The following CCDC7 variants were observed in gnomAD, a reference collection of about 807,000 sequenced individuals.
CCDC7 encodes coiled-coil domain containing 7, also known as coiled-coil domain-containing protein 7.
CCDC7 carries 183 observed loss-of-function variants against 196.9 expected under a neutral mutation model. That is an observed-to-expected ratio of 0.93 (90% CI 0.82 to 1.05). The LOEUF is 1.05. Among genes scored for constraint, CCDC7 ranks in the 50% least tolerant of loss-of-function variants. The pLI is 0.00. For synonymous variants in CCDC7, 525 were observed against 484.6 expected (o/e 1.08, Z -1.10); for missense variants, 1,540 against 1,482.2 (o/e 1.04, Z -0.64).
rs772521513 is a variant in CCDC7 at position 32,845,627 on chromosome 10, G to A, written c.3520+1G>A. The A allele has an allele frequency of 5.0e-6, 8 of 1,606,604 alleles. No homozygotes were observed. In the South Asian group the frequency reaches 8.8e-5, roughly 18 times the overall value. The stretch of plus-strand genomic sequence containing the variant: ...ACGACACAATTAAAAAGTCACCCAG[G>A]TAAGAGAAAACAATTTCAAGACTAA... On this transcript the variant is annotated splice_donor_variant, in intron 35 of 41. Transcript: ENST00000639629. LOFTEE classifies it high-confidence loss of function.
intron 26 of CCDC7, among the ~76,000 whole-genome samples, chr10:32,728,060 G>A (rs1055659348): frequency 1.3e-5 from 2 of 152,148 alleles, no homozygotes; most frequent in Non-Finnish European, 1.5e-5. Context: ...GCTGAGGAAT[G>A]AGAGGGTCTT....
intron 18 of CCDC7, among the ~76,000 whole-genome samples, chr10:32,602,077 G>A (rs2061092777): frequency 6.6e-6 from 1 of 152,100 alleles, no homozygotes; most frequent in South Asian, 2.1e-4. Flanking sequence ...CTCACTCTTT[G>A]GGTCCGCACT....
At chr10:32,544,261 A>ATTT in exon 13 of CCDC7, 1 of 1,607,930 alleles carries the variant, frequency 6.2e-7, no homozygotes. Flanking sequence ...ATGTCTCCAG[A>ATTT]AAAAGAGTTT....
intron 9 of CCDC7, among the ~76,000 whole-genome samples, chr10:32,494,598 A>G (rs2042627864): frequency 6.6e-6 from 1 of 151,846 alleles, no homozygotes; most frequent in Non-Finnish European, 1.5e-5. Context: ...CCCTGTGTCC[A>G]TGTGTTCTTA....
intron 18 of CCDC7, among the ~76,000 whole-genome samples, chr10:32,620,842 A>G (rs959775463): frequency 6.6e-6 from 1 of 152,186 alleles, no homozygotes; most frequent in African/African-American, 2.4e-5. Flanking sequence ...TCAGCAGTGC[A>G]ACTTAAGGAG....
chr10:32,594,036 T>C (rs527585256), intron 18 of CCDC7, among the ~76,000 whole-genome samples: 1 of 152,332 alleles, frequency 6.6e-6, no homozygotes, highest in East Asian at 1.9e-4. Flanking sequence ...ATGCAGGCTC[T>C]TTTTTGGTTC....
At chr10:32,706,584 A>C (rs980349570) in intron 24 of CCDC7, among the ~76,000 whole-genome samples, 3 of 151,770 alleles carry the variant, frequency 2.0e-5, no homozygotes, top group East Asian at 1.9e-4. Context: ...AAGACTAATA[A>C]AGAAGAAAAG....
At chr10:32,682,349 A>G (rs2075966714) in intron 21 of CCDC7, among the ~76,000 whole-genome samples, 1 of 152,134 alleles carries the variant, frequency 6.6e-6, no homozygotes, top group Non-Finnish European at 1.5e-5. Flanking sequence ...GCTGCAAAGG[A>G]TACAATTTAT....
chr10:32,720,185 A>C (rs1477667668), intron 25 of CCDC7, among the ~76,000 whole-genome samples: 1 of 152,202 alleles, frequency 6.6e-6, no homozygotes, highest in Non-Finnish European at 1.5e-5. Context: ...AACATGGCAC[A>C]TATACACCAT....
intron 20 of CCDC7, among the ~76,000 whole-genome samples, chr10:32,662,877 C>T (rs971500676): frequency 7.9e-5 from 12 of 152,156 alleles, no homozygotes; most frequent in African/African-American, 2.9e-4. Context: ...GTTGTTCTTA[C>T]TCCTTATTGC....
At chr10:32,653,908 T>A (rs1373205153) in intron 20 of CCDC7, among the ~76,000 whole-genome samples, 1 of 152,162 alleles carries the variant, frequency 6.6e-6, no homozygotes, top group African/African-American at 2.4e-5. Flanking sequence ...ATTAAAAAAG[T>A]TTTTTCTTCT....
chr10:32,580,239 G>A (rs1356773304), intron 16 of CCDC7, among the ~76,000 whole-genome samples: 1 of 151,806 alleles, frequency 6.6e-6, no homozygotes, highest in Non-Finnish European at 1.5e-5. Flanking sequence ...GCTAGATGTA[G>A]CTAGGCAACA....
intron 37 of CCDC7, 87 bp from the exon 39 acceptor site, chr10:32,847,746 A>G: frequency 1.2e-6 from 1 of 840,452 alleles, no homozygotes; most frequent in Non-Finnish European, 1.9e-6. Context: ...AAGAAAAAGA[A>G]ATTTCAAAAG....
At chr10:32,466,156 C>T (rs1371551266) in intron 5 of CCDC7, among the ~76,000 whole-genome samples, 10 of 152,022 alleles carry the variant, frequency 6.6e-5, no homozygotes, top group Non-Finnish European at 1.3e-4. Context: ...AATGTTTAAA[C>T]CCATAATTAC....
At position 32,462,704 on chromosome 10, in the gene CCDC7, G is replaced by A; in HGVS notation, c.477+1G>A. 1 of 1,456,598 alleles carries A rather than the reference G, an allele frequency of 6.9e-7. No individual in the cohort carries two copies. Among genetic ancestry groups the A allele is most frequent in the Non-Finnish European group, 9.3e-7 (1 of 1,070,362 alleles). 90.2% of individuals were successfully genotyped at this position (1,456,598 alleles called of 1,614,324 possible). ...TCAGATTTTGGAATCTCTTTTTAAG[G>A]TACGTTCAATATATTACAGCTTAAG... On this transcript the variant is annotated splice_donor_variant, in intron 4 of 41. Coordinates refer to ENST00000639629, the Ensembl canonical transcript of CCDC7. LOFTEE classifies it high-confidence loss of function.
At chr10:32,729,631 A>G (rs1450288874) in intron 28 of CCDC7, among the ~76,000 whole-genome samples, 174 bp downstream of exon 29, 1 of 152,124 alleles carries the variant, frequency 6.6e-6, no homozygotes, top group Non-Finnish European at 1.5e-5. Flanking sequence ...TGCATGTGTC[A>G]AATCTGCCAC....
chr10:32,660,713 A>G (rs2071164681), intron 20 of CCDC7, among the ~76,000 whole-genome samples: 2 of 152,158 alleles, frequency 1.3e-5, no homozygotes, highest in Admixed American at 1.3e-4. Flanking sequence ...TGAGAAAAAC[A>G]AGCAATGGGG....
chr10:32,506,555 C>T (rs2045169523), intron 9 of CCDC7, among the ~76,000 whole-genome samples: 1 of 152,200 alleles, frequency 6.6e-6, no homozygotes, highest in Admixed American at 6.5e-5. Context: ...GCACTCCAGC[C>T]TGGGCAACAT....
At chr10:32,693,931 G>C (rs2141310778) in intron 23 of CCDC7, among the ~76,000 whole-genome samples, 1 of 152,110 alleles carries the variant, frequency 6.6e-6, no homozygotes, top group Non-Finnish European at 1.5e-5. Flanking sequence ...ACCCTTAACT[G>C]GGATAAGTAG....
Sources: gnomAD v4.1 joint callset for allele counts (sites outside exome capture counted in the v4.1 genomes callset) on GRCh38, gnomAD v4.1.1 for gene constraint, MANE v1.5 for transcripts, NCBI Gene and HGNC (gene_info 2026-07-23, HGNC 2026-07-21) for gene names.